Variants in LHFPL4 observed in about 807,000 individuals in gnomAD.
The protein encoded by LHFPL4 is LHFPL tetraspan subfamily member 4, also known as LHFPL tetraspan subfamily member 4 protein.
LHFPL4 carries 6 observed loss-of-function variants against 20.0 expected under a neutral mutation model. The observed-to-expected ratio is 0.30, with a 90% confidence interval of 0.16 to 0.59. LHFPL4 has a LOEUF of 0.59. Ranked by LOEUF, LHFPL4 falls within the 20% of genes least tolerant of loss-of-function variation. The pLI, the probability that LHFPL4 is intolerant of heterozygous loss-of-function variation, is 0.88. For synonymous variants in LHFPL4, 129 were observed against 143.8 expected, an observed-to-expected ratio of 0.90 and a Z score of 0.74; for missense variants, 215 against 331.2, an observed-to-expected ratio of 0.65 and a Z score of 2.72.
intron 2 of LHFPL4, among the ~76,000 whole-genome samples, chr3:9,517,306 C>T (rs2046309774): frequency 6.6e-6 from 1 of 152,042 alleles, no homozygotes; most frequent in Non-Finnish European, 1.5e-5. Context: ...CAAGAACAAA[C>T]ATCTTGAAAA....
chr3:9,520,488 G>A (rs990319716), intron 2 of LHFPL4, among the ~76,000 whole-genome samples: 6 of 151,898 alleles, frequency 4.0e-5, no homozygotes, highest in Non-Finnish European at 8.8e-5. Context: ...CAAGTAGCTG[G>A]GATTACAGGC....
intron 2 of LHFPL4, among the ~76,000 whole-genome samples, chr3:9,517,580 C>T (rs1475990642): frequency 6.6e-6 from 1 of 150,568 alleles, no homozygotes; most frequent in African/African-American, 2.4e-5. Flanking sequence ...GGCATGTTCC[C>T]AGCTACTCAG....
chr3:9,543,287 G>A (rs2046489370), intron 2 of LHFPL4, among the ~76,000 whole-genome samples: 1 of 151,926 alleles, frequency 6.6e-6, no homozygotes, highest in Non-Finnish European at 1.5e-5. Context: ...GGATCACGAG[G>A]TCAGGAGATC....
chr3:9,544,391 G>A (rs867736424), intron 2 of LHFPL4, among the ~76,000 whole-genome samples: 2 of 152,118 alleles, frequency 1.3e-5, no homozygotes, highest in South Asian at 2.1e-4. Context: ...TTGGGAGGTC[G>A]AGGTAGGTGG....
At chr3:9,534,027 A>G (rs1223609164) in intron 2 of LHFPL4, among the ~76,000 whole-genome samples, 1 of 152,062 alleles carries the variant, frequency 6.6e-6, no homozygotes, top group Non-Finnish European at 1.5e-5. Context: ...CAGCCTGGGC[A>G]ACGTGGCGAA....
chr3:9,525,762 C>T (rs914364656), intron 2 of LHFPL4, among the ~76,000 whole-genome samples: 1 of 152,052 alleles, frequency 6.6e-6, no homozygotes, highest in Non-Finnish European at 1.5e-5. Flanking sequence ...CGTGCTTATA[C>T]GTTTGAAAAA....
chr3:9,510,864 G>A (rs930604084), intron 2 of LHFPL4, among the ~76,000 whole-genome samples: 2 of 151,898 alleles, frequency 1.3e-5, no homozygotes, highest in East Asian at 3.9e-4. Flanking sequence ...CTTGAACCCA[G>A]GAGGCGGAGG....
intron 2 of LHFPL4, among the ~76,000 whole-genome samples, chr3:9,548,206 C>G (rs2046529115): frequency 6.6e-6 from 1 of 152,184 alleles, no homozygotes; most frequent in Non-Finnish European, 1.5e-5. Flanking sequence ...CTTTGAAGCT[C>G]AGCTTGATCT....
chr3:9,538,503 G>A lies in LHFPL4; in HGVS notation c.406+13771C>T, dbSNP rs541021714. ...GGTCACACAACAACAAATAATAATTGCTAACGTTTATTAAGTGTTTTGTTT... is the reference window on the plus strand; with the variant it reads ...GGTCACACAACAACAAATAATAATTACTAACGTTTATTAAGTGTTTTGTTT... On this transcript the variant is annotated intron_variant, in intron 2 of 3. Coordinates refer to ENST00000287585, the MANE Select transcript of LHFPL4 (RefSeq NM_198560.3). Among the ~76,000 whole-genome samples, 7 of 152,252 alleles carry A rather than the reference G, an allele frequency of 4.6e-5. No homozygotes were observed. In the South Asian group the frequency reaches 1.0e-3, roughly 23 times the overall value.
At chr3:9,512,945 T>TTTTG (rs371214083) in intron 2 of LHFPL4, among the ~76,000 whole-genome samples, 3,837 of 152,078 alleles carry the variant, frequency 0.025, 129 homozygotes, top group African/African-American at 0.076. Flanking sequence ...TAGGACATTT[T>TTTTG]TTTGTTTGTT....
chr3:9,529,283 T>C (rs6793432), intron 2 of LHFPL4, among the ~76,000 whole-genome samples: 28,942 of 152,106 alleles, frequency 0.19, 3,434 homozygotes, highest in East Asian at 0.41. Context: ...CACCTTGGCC[T>C]CCCAAAGTGC....
intron 2 of LHFPL4, among the ~76,000 whole-genome samples, chr3:9,522,794 C>A (rs1456286293): frequency 6.6e-6 from 1 of 151,228 alleles, no homozygotes; most frequent in Non-Finnish European, 1.5e-5. Context: ...GTAATCCCAG[C>A]ACTTTGGGAG....
intron 2 of LHFPL4, among the ~76,000 whole-genome samples, chr3:9,521,097 G>A (rs187291091): frequency 1.3e-5 from 2 of 152,166 alleles, no homozygotes; most frequent in African/African-American, 2.4e-5. Flanking sequence ...TGTTAGGCAC[G>A]TGCATGTTAA....
intron 2 of LHFPL4, among the ~76,000 whole-genome samples, chr3:9,524,623 C>T (rs192592455): frequency 1.1e-4 from 16 of 152,278 alleles, no homozygotes; most frequent in Admixed American, 1.0e-3. Context: ...ATTTCCATCT[C>T]TCTGCTTACG....
Position 9,506,144 on chromosome 3 carries a change from G to T in LHFPL4, c.466C>A (p.Arg156=). 1 of 1,614,154 alleles carries T rather than the reference G, an allele frequency of 6.2e-7. No individual in the cohort carries two copies. The highest frequency in any genetic ancestry group is 8.5e-7 in the Non-Finnish European group (1 of 1,180,034). The change falls in exon 3 of 4, where the codon CGG becomes AGG. Residue 156 remains arginine (R), a synonymous_variant. Coordinates refer to ENST00000287585, the MANE Select transcript of LHFPL4 (RefSeq NM_198560.3). This position sits in a 1 kb window ranked among gnomAD's most constrained non-coding sequence, Gnocchi z 4.5. ...FPDGWDAETI[R]DMCGAKTGKY... ...CCCGTCTTGGCCCCACACATGTCCCGGATGGTCTCGGCATCCCAGCCATCA... is the reference window on the plus strand; with the variant it reads ...CCCGTCTTGGCCCCACACATGTCCCTGATGGTCTCGGCATCCCAGCCATCA...
chr3:9,508,706 A>G (rs1301167787), intron 2 of LHFPL4, among the ~76,000 whole-genome samples: 2 of 152,160 alleles, frequency 1.3e-5, no homozygotes, highest in Non-Finnish European at 2.9e-5. Context: ...ATAGCGCTGC[A>G]CTTTGCCAGA....
chr3:9,501,605 T>G lies in LHFPL4; in HGVS notation c.*606A>C, dbSNP rs1256524670. 6.6e-6 allele frequency: 1 copy of G among 152,276 alleles called. No homozygotes were observed. Among genetic ancestry groups the G allele is most frequent in the African/African-American group, 2.4e-5 (1 of 41,378 alleles). The allele number at this position is 152,276 out of a possible 1,614,324, so 9.4% of individuals were successfully genotyped here. ...GTCTGCAGCTGACAGCAGGGCCCTG[T>G]GCATCCCTCGGTGCAGCTCTCCCTC... On this transcript the variant is annotated 3_prime_UTR_variant, in exon 4 of 4. Coordinates refer to ENST00000287585, the MANE Select transcript of LHFPL4 (RefSeq NM_198560.3).
At chr3:9,543,727 T>TG (rs2046492937) in intron 2 of LHFPL4, among the ~76,000 whole-genome samples, 1 of 85,868 alleles carries the variant, frequency 1.2e-5, no homozygotes, top group South Asian at 4.5e-4. Context: ...TTTTTGGTTT[T>TG]GGTTTTTTTT....
intron 2 of LHFPL4, among the ~76,000 whole-genome samples, chr3:9,514,718 C>T (rs2046286531): frequency 6.6e-6 from 1 of 152,218 alleles, no homozygotes; most frequent in African/African-American, 2.4e-5. Flanking sequence ...TACCTCCATA[C>T]TTTTGCCTTT....
Sources: gnomAD v4.1 joint callset for allele counts (sites outside exome capture counted in the v4.1 genomes callset) on GRCh38, gnomAD v4.1.1 for gene constraint, Gnocchi (gnomAD v3.1) non-coding constraint, MANE v1.5 for transcripts, NCBI Gene and HGNC (gene_info 2026-07-23, HGNC 2026-07-21) for gene names.